The following FBXL17 variants were observed in gnomAD, a reference collection of about 807,000 sequenced individuals.
The protein encoded by FBXL17 is F-box and leucine rich repeat protein 17.
Under a neutral mutation model 66.2 loss-of-function variants are expected in FBXL17, and 22 were observed. That is an observed-to-expected ratio of 0.33 (90% CI 0.24 to 0.47). The LOEUF is 0.47. Ranked by LOEUF, FBXL17 falls within the 20% of genes least tolerant of loss-of-function variation. The pLI is 1.00. For synonymous variants in FBXL17, 474 were observed against 400.5 expected, an observed-to-expected ratio of 1.18 and a Z score of -2.19; for missense variants, 878 against 948.2, an observed-to-expected ratio of 0.93 and a Z score of 0.97.
At chr5:108,131,469 T>C (rs1393400090) in intron 6 of FBXL17, among the ~76,000 whole-genome samples, 1 of 152,082 alleles carries the variant, frequency 6.6e-6, no homozygotes, top group Non-Finnish European at 1.5e-5. Flanking sequence ...ATAACTTACA[T>C]GGGCATTATT....
chr5:108,161,280 C>T (rs9328029), intron 6 of FBXL17, among the ~76,000 whole-genome samples: 27,650 of 151,938 alleles, frequency 0.18, 2,676 homozygotes, highest in Middle Eastern at 0.25. Context: ...CTCAGGAGTT[C>T]GACACCAGCC....
intron 4 of FBXL17, among the ~76,000 whole-genome samples, chr5:108,315,458 C>T (rs1759316602): frequency 6.6e-6 from 1 of 151,210 alleles, no homozygotes; most frequent in South Asian, 2.1e-4. Context: ...TAAATAATTA[C>T]ATTATATTTC....
chr5:108,305,393 A>AT (rs1278554225), intron 4 of FBXL17, among the ~76,000 whole-genome samples: 1 of 151,976 alleles, frequency 6.6e-6, no homozygotes, highest in African/African-American at 2.4e-5. Flanking sequence ...AGGTGATGAG[A>AT]TTATCTGTGC....
intron 2 of FBXL17, among the ~76,000 whole-genome samples, chr5:108,366,736 A>C (rs1748691971): frequency 6.6e-6 from 1 of 152,120 alleles, no homozygotes; most frequent in South Asian, 2.1e-4. Flanking sequence ...TTGGATATAA[A>C]GGTCATGAAC....
chr5:108,090,592 GT>G (rs1170051951), intron 6 of FBXL17, among the ~76,000 whole-genome samples: 6 of 152,332 alleles, frequency 3.9e-5, no homozygotes, highest in Middle Eastern at 3.4e-3. Context: ...CAATATGTAA[GT>G]GAATGAACAT....
intron 7 of FBXL17, among the ~76,000 whole-genome samples, chr5:107,930,889 G>T (rs1227055419): frequency 1.3e-5 from 2 of 152,178 alleles, no homozygotes; most frequent in African/African-American, 4.8e-5. Flanking sequence ...ATACTAGTTT[G>T]TCAATATTTC....
chr5:108,118,618 T>C lies in FBXL17; in HGVS notation c.1745+67499A>G, dbSNP rs372084343. Among the ~76,000 whole-genome samples, 592 of 152,358 alleles carry C rather than the reference T, an allele frequency of 3.9e-3. 3 individuals carry two copies. Among genetic ancestry groups the C allele is most frequent in the African/African-American group, 0.014 (565 of 41,592 alleles). On this transcript the variant is annotated intron_variant, in intron 6 of 8. Coordinates refer to ENST00000542267, the MANE Select transcript of FBXL17 (RefSeq NM_001163315.3). ...GACTGTCCTTCTTATGATCTTCCTC[T>C]GTAGTCCATTGTATGCAGGTGTTTT...
intron 8 of FBXL17, among the ~76,000 whole-genome samples, chr5:107,867,090 G>C (rs1300028609): frequency 1.3e-5 from 2 of 152,106 alleles, no homozygotes; most frequent in Non-Finnish European, 2.9e-5. Context: ...GTAGAGATAA[G>C]CTCACCTTGC....
At chr5:107,946,463 T>TTAG (rs1419429613) in intron 7 of FBXL17, among the ~76,000 whole-genome samples, 1 of 146,128 alleles carries the variant, frequency 6.8e-6, no homozygotes, top group Non-Finnish European at 1.5e-5. Flanking sequence ...CCAATTATTA[T>TTAG]TATTATTATT....
intron 4 of FBXL17, among the ~76,000 whole-genome samples, chr5:108,342,939 A>T (rs532459257): frequency 6.6e-6 from 1 of 152,314 alleles, no homozygotes; most frequent in East Asian, 1.9e-4. Flanking sequence ...CCAAGATGAT[A>T]GTATTAGGAA....
At chr5:108,009,221 A>ATATATATG (rs1331612157) in intron 7 of FBXL17, among the ~76,000 whole-genome samples, 4 of 19,276 alleles carry the variant, frequency 2.1e-4, no homozygotes, top group African/African-American at 9.3e-4. Flanking sequence ...ATATATATAT[A>ATATATATG]TATATATATA....
intron 6 of FBXL17, among the ~76,000 whole-genome samples, chr5:108,040,445 A>C (rs945312493): frequency 6.6e-6 from 1 of 152,172 alleles, no homozygotes; most frequent in Non-Finnish European, 1.5e-5. Flanking sequence ...ATTTTTAAAA[A>C]ACTAAGAATG....
chr5:108,268,355 T>C (rs1023884165), intron 4 of FBXL17, among the ~76,000 whole-genome samples: 1 of 152,084 alleles, frequency 6.6e-6, no homozygotes, highest in African/African-American at 2.4e-5. Flanking sequence ...AACACTCCTC[T>C]TTTTACTTTC....
intron 4 of FBXL17, among the ~76,000 whole-genome samples, chr5:108,251,598 T>C (rs1392084347): frequency 1.3e-5 from 2 of 152,046 alleles, no homozygotes; most frequent in Non-Finnish European, 2.9e-5. Flanking sequence ...CCAAGAGAAG[T>C]TGGCAACAGG....
At chr5:107,874,000 T>G (rs1461221589) in intron 8 of FBXL17, among the ~76,000 whole-genome samples, 2 of 152,164 alleles carry the variant, frequency 1.3e-5, no homozygotes, top group Non-Finnish European at 2.9e-5. Context: ...TAAAAGGTTC[T>G]ACACAGATGT....
intron 4 of FBXL17, among the ~76,000 whole-genome samples, chr5:108,333,336 A>C (rs1409182259): frequency 6.6e-6 from 1 of 152,070 alleles, no homozygotes; most frequent in Non-Finnish European, 1.5e-5. Flanking sequence ...ACCTGAGAGT[A>C]TCAAAACCAA....
intron 5 of FBXL17, among the ~76,000 whole-genome samples, chr5:108,199,798 T>C (rs1218621413): frequency 1.3e-5 from 2 of 152,094 alleles, no homozygotes; most frequent in African/African-American, 2.4e-5. Flanking sequence ...TTGGTCAAGG[T>C]ATAATTAGGA....
At chr5:107,887,949 G>C (rs1253566576) in intron 7 of FBXL17, among the ~76,000 whole-genome samples, 1 of 152,166 alleles carries the variant, frequency 6.6e-6, no homozygotes, top group East Asian at 1.9e-4. Flanking sequence ...AATAGCTAAT[G>C]TGTTCTGACA....
chr5:108,192,220 C>T (rs2150039205), intron 5 of FBXL17, among the ~76,000 whole-genome samples: 1 of 152,282 alleles, frequency 6.6e-6, no homozygotes, highest in Middle Eastern at 3.4e-3. Flanking sequence ...ATTTAGGAAA[C>T]TGACATTTTA....
Sources: allele counts gnomAD v4.1 joint callset (sites outside exome capture counted in the v4.1 genomes callset), GRCh38; gene constraint gnomAD v4.1.1; transcripts MANE v1.5; gene names NCBI Gene and HGNC (gene_info 2026-07-23, HGNC 2026-07-21).